HECTD4: variants seen among roughly 807,000 people sequenced by gnomAD.
The protein encoded by HECTD4 is probable E3 ubiquitin-protein ligase HECTD4.
HECTD4 carries 114 observed loss-of-function variants against 471.5 expected under a neutral mutation model. The observed-to-expected ratio is 0.24, with a 90% CI of 0.21 to 0.28. The LOEUF (loss-of-function observed/expected upper bound fraction) is 0.28. HECTD4 is among the 10% of genes least tolerant of loss of function. HECTD4 has a pLI of 1.00. For synonymous variants in HECTD4, 2,012 were observed against 2,256.0 expected (o/e 0.89, Z 3.07); for missense variants, 3,866 against 5,651.5 (o/e 0.68, Z 10.13).
intron 7 of HECTD4, among the ~76,000 whole-genome samples, chr12:112,296,222 T>A (rs1048296640): frequency 5.5e-5 from 8 of 146,412 alleles, no homozygotes; most frequent in African/African-American, 2.1e-4. Flanking sequence ...CAGTGGTAGG[T>A]GCAGACAGTG....
intron 1 of HECTD4, among the ~76,000 whole-genome samples, chr12:112,345,594 A>C: frequency 6.6e-6 from 1 of 152,164 alleles, no homozygotes; most frequent in East Asian, 1.9e-4. Flanking sequence ...TGCTTTTTCA[A>C]ATTTTGTCAG....
chr12:112,185,505 G>C lies in HECTD4; in HGVS notation c.9473-12C>G, dbSNP rs2031829200. 1 of 1,527,590 alleles carries C rather than the reference G, an allele frequency of 6.5e-7. No homozygotes were observed. The highest frequency in any genetic ancestry group is 2.1e-5 in the Admixed American group (1 of 48,444). 94.6% of individuals were successfully genotyped at this position (1,527,590 alleles called of 1,614,324 possible). On this transcript the variant is annotated splice_polypyrimidine_tract_variant and intron_variant, in intron 60 of 75. Transcript: ENST00000682272. ...CCACAAGAAGTTTCCTGAGGCAAAT[G>C]AAAATAGTAACAGTAATTACTATGC...
At chr12:112,231,388 C>G (rs770430085) in intron 39 of HECTD4, 125 bp downstream of exon 39, 34 of 842,776 alleles carry the variant, frequency 4.0e-5, no homozygotes, top group Non-Finnish European at 5.8e-5. Context: ...GCAACTACTA[C>G]AGCAGATGGC....
chr12:112,227,567 C>G (rs1048056054), intron 43 of HECTD4, among the ~76,000 whole-genome samples: 2 of 152,190 alleles, frequency 1.3e-5, no homozygotes, highest in Non-Finnish European at 1.5e-5. Flanking sequence ...GTGTGCATGT[C>G]CTAGTTTTCC....
chr12:112,232,478 C>G (rs9667996), intron 38 of HECTD4, among the ~76,000 whole-genome samples: 1 of 152,098 alleles, frequency 6.6e-6, no homozygotes, highest in Non-Finnish European at 1.5e-5. Context: ...CCCTGTGTGT[C>G]TCTCCCTGGA....
At chr12:112,167,136 G>T in intron 72 of HECTD4, 181 bp downstream of exon 72, 1 of 514,224 alleles carries the variant, frequency 1.9e-6, no homozygotes, top group Non-Finnish European at 3.4e-6. Context: ...AGCAGGGAGG[G>T]AGGCCAGAGG....
chr12:112,345,623 TG>T (rs2036134485), intron 1 of HECTD4, among the ~76,000 whole-genome samples: 1 of 152,194 alleles, frequency 6.6e-6, no homozygotes, highest in African/African-American at 2.4e-5. Context: ...GTATGGCTTT[TG>T]TAAGATGCTA....
intron 1 of HECTD4, among the ~76,000 whole-genome samples, chr12:112,360,582 T>G (rs2036431392): frequency 6.6e-6 from 1 of 152,146 alleles, no homozygotes; most frequent in African/African-American, 2.4e-5. Context: ...AGAAAATGTA[T>G]CATTAAGATG....
chr12:112,367,255 T>G (rs1318372549), intron 1 of HECTD4, among the ~76,000 whole-genome samples: 1 of 146,620 alleles, frequency 6.8e-6, no homozygotes, highest in Non-Finnish European at 1.5e-5. Context: ...GCCGAGATTG[T>G]GCCACTGCAC....
chr12:112,309,037 C>T (rs1027425375), intron 5 of HECTD4, 146 bp from the exon 6 acceptor site: 1 of 864,638 alleles, frequency 1.2e-6, no homozygotes, highest in Non-Finnish European at 1.7e-6. Flanking sequence ...GAATGTATTA[C>T]ATTAACTTCA....
chr12:112,217,157 CG>C lies in HECTD4; in HGVS notation c.7112del (p.Pro2371ArgfsTer65). On this transcript the variant is annotated frameshift_variant, in exon 46 of 76. Coordinates refer to ENST00000682272, the MANE Select transcript of HECTD4 (RefSeq NM_001388303.1). LOFTEE classifies it high-confidence loss of function. The stretch of plus-strand genomic sequence containing the variant: ...ATGAGAACATGCAGGCTCGAACAGG[CG>C]GAAACACTCGCGAGGGGCTCCAAGT... Reference protein sequence around the residue: ...EITWSPSRVFPPVRACMFSSH... With the variant: ...EITWSPSRVFXPVRACMFSSH... The C allele has an allele frequency of 6.5e-7, 1 of 1,550,366 alleles. No individual in the cohort carries two copies. The highest frequency in any genetic ancestry group is 8.7e-7 in the Non-Finnish European group (1 of 1,149,286).
At chr12:112,330,784 A>T (rs1306841579) in intron 1 of HECTD4, among the ~76,000 whole-genome samples, 5 of 152,198 alleles carry the variant, frequency 3.3e-5, no homozygotes, top group African/African-American at 1.2e-4. Context: ...TGTACATCTG[A>T]GTAATCCTCT....
intron 60 of HECTD4, among the ~76,000 whole-genome samples, chr12:112,186,537 A>G (rs1210139598): frequency 1.3e-5 from 2 of 151,318 alleles, no homozygotes; most frequent in Non-Finnish European, 2.9e-5. Context: ...GGGTTTCACC[A>G]TCTTGGCCAG....
At position 112,174,797 on chromosome 12, in the gene HECTD4, C is replaced by T. The variant is rs927177088; in HGVS notation, c.11594+939G>A. On this transcript the variant is annotated intron_variant, in intron 66 of 75. Transcript: ENST00000682272. ...CAGGCTGGTCTCAAGCTCCTGACCT[C>T]ATGCCTCCCAAAGTGCTGGGATTAC... is the stretch of plus-strand genomic sequence containing the variant. 2.6e-5 allele frequency among the ~76,000 whole-genome samples: 4 copies of T among 151,788 alleles called. No individual in the cohort carries two copies. The South Asian group carries it at 8.3e-4, about 32-fold the overall frequency.
intron 1 of HECTD4, among the ~76,000 whole-genome samples, chr12:112,378,858 A>G (rs2036834007): frequency 6.6e-6 from 1 of 152,138 alleles, no homozygotes; most frequent in African/African-American, 2.4e-5. Flanking sequence ...CCTGGCTAAC[A>G]TGGTGAAACC....
At chr12:112,177,302 A>G (rs1351191843) in intron 64 of HECTD4, among the ~76,000 whole-genome samples, 1 of 152,092 alleles carries the variant, frequency 6.6e-6, no homozygotes, top group Non-Finnish European at 1.5e-5. Context: ...TGTGTACTCG[A>G]GAGTCACAGA....
At position 112,381,521 on chromosome 12, in the gene HECTD4, A is replaced by G. The variant is rs1043514541; in HGVS notation, c.177+431T>C. On this transcript the variant is annotated intron_variant, in intron 1 of 75. Coordinates refer to ENST00000682272, the MANE Select transcript of HECTD4 (RefSeq NM_001388303.1). This position sits in a 1 kb window ranked among gnomAD's most constrained non-coding sequence, Gnocchi z 4.1. ...AAAAACAGAACTAGGGAAGAAAAGG[A>G]TGGGAGGGTACACAGCGTGAAAATC... Among the ~76,000 whole-genome samples the G allele has an allele frequency of 7.2e-5, 11 of 151,736 alleles. No individual in the cohort carries two copies. The highest frequency in any genetic ancestry group is 6.6e-5 in the Admixed American group (1 of 15,232).
intron 44 of HECTD4, among the ~76,000 whole-genome samples, chr12:112,220,982 C>T (rs888647061): frequency 1.3e-5 from 2 of 152,212 alleles, no homozygotes; most frequent in Middle Eastern, 3.4e-3. Flanking sequence ...CAAGGTCTCT[C>T]GCTCTGTTGC....
In HECTD4 at chr12:112,296,673, G is replaced by A. The variant is rs534777067; in HGVS notation, c.1335+9391C>T. 5.4e-3 allele frequency among the ~76,000 whole-genome samples: 816 copies of A among 151,698 alleles called. 6 individuals are homozygous for A. The highest frequency in any genetic ancestry group is 8.1e-3 in the South Asian group (39 of 4,812). ...GTGGATGTAGGTGCAGAGGGTGTAGGTGCAGCAAGTGGTAACTACAGAGGG... is the reference window on the plus strand; with the variant it reads ...GTGGATGTAGGTGCAGAGGGTGTAGATGCAGCAAGTGGTAACTACAGAGGG... On this transcript the variant is annotated intron_variant, in intron 7 of 75. Coordinates refer to ENST00000682272, the MANE Select transcript of HECTD4 (RefSeq NM_001388303.1).
Sources: allele counts gnomAD v4.1 joint callset (sites outside exome capture counted in the v4.1 genomes callset), GRCh38; gene constraint gnomAD v4.1.1; non-coding constraint Gnocchi (gnomAD v3.1); transcripts MANE v1.5; gene names NCBI Gene and HGNC (gene_info 2026-07-23, HGNC 2026-07-21).